The following COL21A1 variants were observed in gnomAD, a reference collection of about 807,000 sequenced individuals.
COL21A1 encodes the protein collagen alpha-1(XXI) chain.
A neutral mutation model predicts 137.9 loss-of-function variants in COL21A1; 149 were observed. The observed-to-expected ratio is 1.08, with a 90% CI of 0.95 to 1.24. The LOEUF (loss-of-function observed/expected upper bound fraction) is 1.24, where lower values mean the gene tolerates loss of function less well. COL21A1 is among the 50% of genes most tolerant of loss of function. The probability of loss-of-function intolerance (pLI) is 0.00; values close to 1 mark genes in which losing one functional copy is unlikely to be tolerated. For missense variants in COL21A1, 1,167 were observed against 1,158.4 expected, an observed-to-expected ratio of 1.01 and a Z score of -0.11; for synonymous variants, 456 against 391.5, an observed-to-expected ratio of 1.16 and a Z score of -1.95.
chr6:56,209,741 T>C (rs558497137), intron 1 of COL21A1, among the ~76,000 whole-genome samples: 6 of 152,116 alleles, frequency 3.9e-5, no homozygotes, highest in Non-Finnish European at 8.8e-5. Flanking sequence ...GATCTAGAAC[T>C]AGAAATACCA....
chr6:56,170,738 A>T lies in COL21A1; in HGVS notation c.937T>A (p.Leu313Ile), dbSNP rs1181756193. The T allele has an allele frequency of 6.2e-7, 1 of 1,608,252 alleles. No homozygotes were observed. ...IDGRPQIAVTLNGVDKILLFT... is the reference protein window; with the variant it reads ...IDGRPQIAVTINGVDKILLFT... ...AATAAGATTTTGTCCACACCATTTA[A>T]GGTAACTGCTATTTGTGGCCTTCCA... Residue 313 changes from leucine to isoleucine, a missense_variant, in exon 5 of 30, where the codon TTA (leucine) becomes ATA (isoleucine). Leu to Ile is a conservative substitution (Grantham distance 5). Coordinates refer to ENST00000244728, the MANE Select transcript of COL21A1 (RefSeq NM_030820.4).
At chr6:56,152,916 C>G (rs1204064235) in intron 10 of COL21A1, among the ~76,000 whole-genome samples, 2 of 152,022 alleles carry the variant, frequency 1.3e-5, no homozygotes, top group Non-Finnish European at 2.9e-5. Context: ...AAAGTAGGTC[C>G]CAGGAAAGGG....
At chr6:56,146,624 A>G (rs906374327) in intron 10 of COL21A1, among the ~76,000 whole-genome samples, 2 of 152,108 alleles carry the variant, frequency 1.3e-5, no homozygotes, top group African/African-American at 4.8e-5. Context: ...TTTCTAAGAG[A>G]CAAGGGAATA....
At chr6:56,167,728 C>G (rs1350832349) in intron 6 of COL21A1, among the ~76,000 whole-genome samples, 1 of 152,102 alleles carries the variant, frequency 6.6e-6, no homozygotes, top group Non-Finnish European at 1.5e-5. Flanking sequence ...TTGTGAAGAA[C>G]CCTGACATGA....
At chr6:56,272,005 C>A (rs1358795431) in intron 1 of COL21A1, among the ~76,000 whole-genome samples, 3 of 152,184 alleles carry the variant, frequency 2.0e-5, no homozygotes, top group Non-Finnish European at 2.9e-5. Flanking sequence ...TCAAGGAGAA[C>A]CTCTACTAGG....
At chr6:56,168,704 T>C (rs887855441) in intron 5 of COL21A1, among the ~76,000 whole-genome samples, 1 of 152,042 alleles carries the variant, frequency 6.6e-6, no homozygotes, top group Non-Finnish European at 1.5e-5. Context: ...TTGATCATTT[T>C]CATTTCTTCC....
At chr6:56,230,164 T>C (rs1444608002) in intron 1 of COL21A1, among the ~76,000 whole-genome samples, 3 of 152,010 alleles carry the variant, frequency 2.0e-5, no homozygotes, top group African/African-American at 7.2e-5. Flanking sequence ...CATTTTTCTA[T>C]AGGAGTCCCA....
intron 1 of COL21A1, among the ~76,000 whole-genome samples, chr6:56,224,780 G>T (rs537093834): frequency 6.6e-6 from 1 of 152,030 alleles, no homozygotes; most frequent in Admixed American, 6.6e-5. Flanking sequence ...ATGACATACT[G>T]GATTTCATTT....
At chr6:56,269,654 CAAAAAAAAA>C (rs70986792) in intron 1 of COL21A1, among the ~76,000 whole-genome samples, 1 of 64,050 alleles carries the variant, frequency 1.6e-5, no homozygotes, top group Non-Finnish European at 2.7e-5. Flanking sequence ...GACTCCGTCT[CAAAAAAAAA>C]AAAAAAAAAA....
chr6:56,255,765 G>T (rs1782954335), intron 1 of COL21A1, among the ~76,000 whole-genome samples: 1 of 152,162 alleles, frequency 6.6e-6, no homozygotes, highest in Non-Finnish European at 1.5e-5. Context: ...GCTTCTAAAA[G>T]CTCATGTCTG....
At chr6:56,369,214 G>C (rs1766168795) in intron 1 of COL21A1, among the ~76,000 whole-genome samples, 1 of 151,918 alleles carries the variant, frequency 6.6e-6, no homozygotes, top group Non-Finnish European at 1.5e-5. Flanking sequence ...GGAAATACTA[G>C]TAAAAAGTGG....
chr6:56,262,980 C>A (rs1284038606), intron 1 of COL21A1, among the ~76,000 whole-genome samples: 2 of 152,190 alleles, frequency 1.3e-5, no homozygotes, highest in Admixed American at 6.5e-5. Context: ...GATGAAGAAA[C>A]TAATGCATTA....
chr6:56,150,288 G>A (rs955245684), intron 10 of COL21A1, among the ~76,000 whole-genome samples: 1 of 152,164 alleles, frequency 6.6e-6, no homozygotes, highest in Non-Finnish European at 1.5e-5. Context: ...GGAGGTCGAG[G>A]CGGGCGGATC....
chr6:56,327,304 C>T (rs927678744), intron 1 of COL21A1, among the ~76,000 whole-genome samples: 1 of 151,246 alleles, frequency 6.6e-6, no homozygotes, highest in Non-Finnish European at 1.5e-5. Context: ...TTAAAAAATA[C>T]TTCATGAAAT....
At chr6:56,357,766 C>T (rs1332901982) in intron 1 of COL21A1, among the ~76,000 whole-genome samples, 1 of 152,174 alleles carries the variant, frequency 6.6e-6, no homozygotes, top group African/African-American at 2.4e-5. Flanking sequence ...TGGAAACCTT[C>T]TGCTGACACC....
At chr6:56,059,911 T>G in intron 28 of COL21A1, 107 bp downstream of exon 28, 1 of 720,698 alleles carries the variant, frequency 1.4e-6, no homozygotes, top group Non-Finnish European at 2.2e-6. Context: ...ATTTACAGAT[T>G]TTTTTATCAT....
intron 16 of COL21A1, among the ~76,000 whole-genome samples, chr6:56,123,251 A>G (rs1328865761): frequency 6.6e-6 from 1 of 152,202 alleles, no homozygotes; most frequent in Admixed American, 6.5e-5. Flanking sequence ...GGAACCAATG[A>G]CTTTAAAATG....
intron 1 of COL21A1, among the ~76,000 whole-genome samples, chr6:56,237,063 C>T (rs562861230): frequency 5.3e-5 from 8 of 152,092 alleles, no homozygotes; most frequent in African/African-American, 1.7e-4. Flanking sequence ...GCCTTTTTCT[C>T]CCTGTTTTTA....
chr6:56,080,691 T>C (rs908687606), intron 17 of COL21A1, among the ~76,000 whole-genome samples: 11 of 152,002 alleles, frequency 7.2e-5, no homozygotes, highest in African/African-American at 2.2e-4. Flanking sequence ...CTATTAATGG[T>C]ATTTTTATGT....
Sources: allele counts gnomAD v4.1 joint callset (sites outside exome capture counted in the v4.1 genomes callset), GRCh38; gene constraint gnomAD v4.1.1; transcripts MANE v1.5; gene names NCBI Gene and HGNC (gene_info 2026-07-23, HGNC 2026-07-21).